The following ARHGAP15 variants were observed in gnomAD, a reference collection of about 807,000 sequenced individuals.
The protein encoded by ARHGAP15 is Rho GTPase activating protein 15.
A neutral mutation model predicts 63.7 loss-of-function variants in ARHGAP15; 51 were observed. The observed-to-expected ratio is 0.80, with a 90% confidence interval of 0.64 to 1.01. ARHGAP15 has a LOEUF of 1.01. Ranked by LOEUF, ARHGAP15 falls within the 50% of genes least tolerant of loss-of-function variation. ARHGAP15 has a pLI of 0.00. For synonymous variants in ARHGAP15, 191 were observed against 193.8 expected (o/e 0.99, Z 0.12); for missense variants, 560 against 564.6 (o/e 0.99, Z 0.08).
At chr2:143,282,152 A>C (rs1450057929) in intron 6 of ARHGAP15, among the ~76,000 whole-genome samples, 1 of 152,006 alleles carries the variant, frequency 6.6e-6, no homozygotes, top group South Asian at 2.1e-4. Context: ...GTAAAGTTTT[A>C]TTTCCCCCTA....
chr2:143,169,441 G>A (rs569780748), intron 2 of ARHGAP15, among the ~76,000 whole-genome samples: 11 of 152,156 alleles, frequency 7.2e-5, no homozygotes, highest in Non-Finnish European at 1.5e-4. Context: ...AAACTGAGTT[G>A]TCATGCAGAT....
intron 2 of ARHGAP15, among the ~76,000 whole-genome samples, chr2:143,201,093 C>T (rs964610190): frequency 1.3e-5 from 2 of 151,798 alleles, no homozygotes; most frequent in African/African-American, 2.4e-5. Context: ...AGGCAATCAT[C>T]GGGAGTTCTT....
chr2:143,474,211 C>A (rs1393486390), intron 8 of ARHGAP15, among the ~76,000 whole-genome samples: 1 of 152,074 alleles, frequency 6.6e-6, no homozygotes, highest in African/African-American at 2.4e-5. Flanking sequence ...TAATAATAAT[C>A]TATTACAGAT....
chr2:143,550,958 A>G (rs367689621), intron 10 of ARHGAP15, among the ~76,000 whole-genome samples: 1 of 152,194 alleles, frequency 6.6e-6, no homozygotes, highest in East Asian at 1.9e-4. Flanking sequence ...CATAGCTCAG[A>G]GATAATTTGA....
At chr2:143,725,565 C>T (rs1685238111) in intron 13 of ARHGAP15, among the ~76,000 whole-genome samples, 1 of 152,246 alleles carries the variant, frequency 6.6e-6, no homozygotes, top group Admixed American at 6.5e-5. Context: ...CTGTGCCCTT[C>T]CTTTTTTCTT....
chr2:143,534,586 G>T (rs1200092087), intron 10 of ARHGAP15, among the ~76,000 whole-genome samples: 1 of 151,930 alleles, frequency 6.6e-6, no homozygotes, highest in Non-Finnish European at 1.5e-5. Flanking sequence ...TAGAAAAAAA[G>T]ACCTATATGG....
At chr2:143,619,335 G>A (rs1178621149) in intron 11 of ARHGAP15, among the ~76,000 whole-genome samples, 1 of 152,048 alleles carries the variant, frequency 6.6e-6, no homozygotes, top group Non-Finnish European at 1.5e-5. Context: ...AGCATTTCAG[G>A]GTAACCTTGT....
In ARHGAP15 at chr2:143,519,326, G is replaced by A; in HGVS notation, c.887G>A (p.Trp296Ter). Residue 296 changes from tryptophan (W) to a stop codon, truncating the protein, a stop_gained, in exon 10 of 14, where the codon TGG (tryptophan) becomes TAG (stop). Transcript: ENST00000295095. LOFTEE classifies it high-confidence loss of function. ...GAACGTGAAAATTCCACAGTTCCGT[G>A]GTTTGTAAAGCAATGCATTGAAGCT... Reference protein sequence around the residue: ...VCERENSTVPWFVKQCIEAVE... With the variant: ...VCERENSTVP 6.2e-7 allele frequency: 1 copy of A among 1,613,046 alleles called. No individual in the cohort carries two copies. Among genetic ancestry groups the A allele is most frequent in the Non-Finnish European group, 8.5e-7 (1 of 1,179,214 alleles).
intron 6 of ARHGAP15, among the ~76,000 whole-genome samples, chr2:143,418,171 C>A (rs1331824028): frequency 6.6e-6 from 1 of 152,192 alleles, no homozygotes; most frequent in Non-Finnish European, 1.5e-5. Context: ...ACAGGCCCAA[C>A]AACAGGAAGA....
At chr2:143,634,094 G>C (rs1266928086) in intron 12 of ARHGAP15, among the ~76,000 whole-genome samples, 1 of 151,984 alleles carries the variant, frequency 6.6e-6, no homozygotes, top group Non-Finnish European at 1.5e-5. Flanking sequence ...TTTATGATCT[G>C]GTCACCCACA....
chr2:143,209,791 A>G (rs1212319029), intron 3 of ARHGAP15, among the ~76,000 whole-genome samples: 2 of 152,152 alleles, frequency 1.3e-5, no homozygotes, highest in African/African-American at 4.8e-5. Flanking sequence ...TATTATGAAC[A>G]AGGGAAAAGA....
chr2:143,144,290 C>T (rs1226990533), intron 1 of ARHGAP15, among the ~76,000 whole-genome samples: 1 of 151,950 alleles, frequency 6.6e-6, no homozygotes, highest in Admixed American at 6.6e-5. Context: ...ATTGCTGGGT[C>T]AAATGGTATT....
chr2:143,683,749 A>G (rs1173620650), intron 12 of ARHGAP15, among the ~76,000 whole-genome samples: 1 of 152,214 alleles, frequency 6.6e-6, no homozygotes, highest in Non-Finnish European at 1.5e-5. Flanking sequence ...AATGCAAAAT[A>G]TATCTCATTT....
chr2:143,696,017 C>T lies in ARHGAP15; in HGVS notation c.1139-7402C>T, dbSNP rs998627741. Reference sequence around the variant, plus strand: ...TTCCTGAATGTATTTGTGAATGTATCAAGAAGTTAAGCATAATAATTTTGA... The same window carrying T: ...TTCCTGAATGTATTTGTGAATGTATTAAGAAGTTAAGCATAATAATTTTGA... On this transcript the variant is annotated intron_variant, in intron 12 of 13. Transcript: ENST00000295095. Among the ~76,000 whole-genome samples, 5 of 152,100 alleles carry T rather than the reference C, an allele frequency of 3.3e-5. No homozygotes were observed. The South Asian group carries it at 1.0e-3, about 32-fold the overall frequency.
chr2:143,306,914 A>G (rs761533668), intron 6 of ARHGAP15, among the ~76,000 whole-genome samples: 1 of 152,102 alleles, frequency 6.6e-6, no homozygotes, highest in Admixed American at 6.6e-5. Context: ...ATGGGTCAGG[A>G]TTCTGGACAC....
intron 12 of ARHGAP15, among the ~76,000 whole-genome samples, chr2:143,694,494 A>G (rs770115760): frequency 3.3e-5 from 5 of 152,174 alleles, no homozygotes; most frequent in African/African-American, 9.7e-5. Context: ...AACAGTAACC[A>G]TGCTGTGACT....
intron 8 of ARHGAP15, among the ~76,000 whole-genome samples, chr2:143,448,594 ATATATT>A (rs1356528244): frequency 4.6e-5 from 7 of 152,196 alleles, no homozygotes; most frequent in African/African-American, 1.7e-4. Context: ...TTTTCTTGAC[ATATATT>A]GTAAGTCTTG....
chr2:143,328,585 G>A (rs534352244), intron 6 of ARHGAP15, among the ~76,000 whole-genome samples: 2 of 152,196 alleles, frequency 1.3e-5, no homozygotes, highest in South Asian at 2.1e-4. Context: ...AGCCTGTCAG[G>A]GGGTAGGGGA....
intron 13 of ARHGAP15, among the ~76,000 whole-genome samples, chr2:143,731,679 A>G (rs4146023): frequency 0.99 from 150,724 of 152,334 alleles, 74,580 homozygotes; most frequent in East Asian, 1. Context: ...AATAGCTGTA[A>G]AGGTGAATTT....
Sources: allele counts gnomAD v4.1 joint callset (sites outside exome capture counted in the v4.1 genomes callset), GRCh38; gene constraint gnomAD v4.1.1; transcripts MANE v1.5; gene names NCBI Gene and HGNC (gene_info 2026-07-23, HGNC 2026-07-21).